Variants in CFI observed in about 807,000 individuals in gnomAD.
CFI encodes the protein complement factor I, also known as C3B/C4B inactivator.
In CFI, 66 loss-of-function variants were observed where a neutral mutation model predicts 78.8. The ratio of observed to expected loss-of-function variants is 0.84; its 90% CI spans 0.69 to 1.03. The LOEUF (loss-of-function observed/expected upper bound fraction) is 1.03. CFI is among the 50% of genes least tolerant of loss of function. The probability of loss-of-function intolerance (pLI) is 0.00; values close to 1 mark genes in which losing one functional copy is unlikely to be tolerated. For missense variants in CFI, 706 were observed against 704.5 expected (o/e 1.00, Z -0.02); for synonymous variants, 250 against 232.6 (o/e 1.07, Z -0.68).
Position 109,766,520 on chromosome 4 carries a change from T to C in CFI, c.328+34A>G, listed in dbSNP as rs757105674. ...TATGGCATACAAATACCCTTTTATATCATAGAATGACTTGAAAACTAGTCT... is the reference window on the plus strand; with the variant it reads ...TATGGCATACAAATACCCTTTTATACCATAGAATGACTTGAAAACTAGTCT... On this transcript the variant is annotated intron_variant, in intron 2 of 12. Transcript: ENST00000394634. 5 of 1,610,396 alleles carry C rather than the reference T, an allele frequency of 3.1e-6. No individual in the cohort carries two copies. The East Asian group carries it at 8.9e-5, about 29-fold the overall frequency.
Position 109,741,037 on chromosome 4 carries a change from A to C in CFI, c.1608T>G (p.Asn536Lys). 1 of 1,614,230 alleles carries C rather than the reference A, an allele frequency of 6.2e-7. No individual in the cohort carries two copies. Among genetic ancestry groups the C allele is most frequent in the Non-Finnish European group, 8.5e-7 (1 of 1,180,006 alleles). ...GGPLVCMDAN[N>K]VTYVWGVVSW... ...TCACAACACCCCAGACATAAGTCAC[A>C]TTGTTGGCATCCATACAGACTAAGG... Residue 536 changes from asparagine to lysine, a missense_variant, in exon 13 of 13, where the codon AAT becomes AAG. By Grantham distance (94) the Asn-to-Lys change is moderately conservative. Transcript: ENST00000394634.
chr4:109,750,641 GA>G (rs1725028300), intron 8 of CFI, among the ~76,000 whole-genome samples: 1 of 152,240 alleles, frequency 6.6e-6, no homozygotes, highest in South Asian at 2.1e-4. Flanking sequence ...GATGACTGAA[GA>G]AAGTAAAATA....
chr4:109,775,935 G>T (rs1404539681), intron 1 of CFI, among the ~76,000 whole-genome samples: 1 of 152,200 alleles, frequency 6.6e-6, no homozygotes, highest in Admixed American at 6.5e-5. Context: ...CTGACTGTTA[G>T]AAGGAAAACT....
At chr4:109,746,127 T>A in intron 11 of CFI, 95 bp downstream of exon 11, 2 of 1,405,898 alleles carry the variant, frequency 1.4e-6, no homozygotes, top group Non-Finnish European at 2.0e-6. Flanking sequence ...GATGTTATGC[T>A]TCTCTCTGAG....
intron 1 of CFI, among the ~76,000 whole-genome samples, chr4:109,770,802 G>A (rs1728490619): frequency 6.6e-6 from 1 of 152,166 alleles, no homozygotes; most frequent in African/African-American, 2.4e-5. Context: ...ATGGGCTAGT[G>A]CTAATGGATT....
chr4:109,732,031 C>CAACTCTTCTTCCAGAGA, the CFI span, among the ~76,000 whole-genome samples: 93,140 of 151,892 alleles, frequency 0.61, 29,609 homozygotes, highest in African/African-American at 0.79. Flanking sequence ...TTGGTTCTTA[C>CAACTCTTCTTCCAGAGA]AACTCCCTAG....
intron 1 of CFI, chr4:109,794,326 C>T (rs557095946): frequency 1.3e-4 from 20 of 152,140 alleles, no homozygotes; most frequent in African/African-American, 4.6e-4. Context: ...CCTTGTCATC[C>T]TTTTTTCTTT....
chr4:109,776,141 G>A (rs1729205635), intron 1 of CFI, among the ~76,000 whole-genome samples: 1 of 152,178 alleles, frequency 6.6e-6, no homozygotes, highest in Non-Finnish European at 1.5e-5. Flanking sequence ...GAGAGAAGAA[G>A]GCTTCAGACA....
At chr4:109,737,051 C>T (rs1723412825), downstream of CFI, among the ~76,000 whole-genome samples, 1 of 152,164 alleles carries the variant, frequency 6.6e-6, no homozygotes, top group Non-Finnish European at 1.5e-5. Context: ...AGAGTCAGTG[C>T]CATCCTTTTT....
At chr4:109,767,270 A>C (rs572785016) in intron 1 of CFI, among the ~76,000 whole-genome samples, 2,229 of 152,276 alleles carry the variant, frequency 0.015, 47 homozygotes, top group African/African-American at 0.049. Flanking sequence ...CAAAAGCCAA[A>C]ATTGACAAAT....
chr4:109,801,078 C>A (rs1379683545), intron 1 of CFI, among the ~76,000 whole-genome samples: 1 of 152,128 alleles, frequency 6.6e-6, no homozygotes, highest in Non-Finnish European at 1.5e-5. Flanking sequence ...GGATTGCCAC[C>A]AAAGTTGGCA....
At chr4:109,766,431 G>C in intron 2 of CFI, 123 bp downstream of exon 2, 2 of 1,100,564 alleles carry the variant, frequency 1.8e-6, no homozygotes, top group South Asian at 1.3e-5. Flanking sequence ...ATTATTGAGA[G>C]TCTAGAAAAA....
chr4:109,766,148 A>T (rs1394048487), intron 2 of CFI, among the ~76,000 whole-genome samples: 1 of 152,056 alleles, frequency 6.6e-6, no homozygotes, highest in African/African-American at 2.4e-5. Flanking sequence ...AACAGAAATT[A>T]CTGGGGCCAC....
At chr4:109,777,270 T>C (rs1048948446) in intron 1 of CFI, among the ~76,000 whole-genome samples, 4 of 151,876 alleles carry the variant, frequency 2.6e-5, no homozygotes, top group African/African-American at 9.7e-5. Context: ...AATAAAGGGA[T>C]GGAGGAAGAT....
chr4:109,776,489 C>A (rs1345331115), intron 1 of CFI, among the ~76,000 whole-genome samples: 4 of 152,184 alleles, frequency 2.6e-5, no homozygotes, highest in Non-Finnish European at 5.9e-5. Flanking sequence ...AACAAATCTA[C>A]ATCTGATTGA....
chr4:109,764,954 C>G (rs142511945), intron 2 of CFI, among the ~76,000 whole-genome samples: 48 of 152,268 alleles, frequency 3.2e-4, no homozygotes, highest in African/African-American at 1.1e-3. Flanking sequence ...ACACAAGGAA[C>G]CTCTAGGGGA....
the CFI span, among the ~76,000 whole-genome samples, chr4:109,733,725 G>A: frequency 6.6e-6 from 1 of 152,234 alleles, no homozygotes; most frequent in Admixed American, 6.5e-5. Flanking sequence ...TGTCAGAAAT[G>A]GGGAGAATTG....
intron 10 of CFI, among the ~76,000 whole-genome samples, chr4:109,747,357 A>AG (rs1370174270): frequency 8.2e-5 from 1 of 12,190 alleles, no homozygotes; most frequent in South Asian, 0.042. Context: ...GCTAATTTAA[A>AG]AAAATTTTTT....
chr4:109,784,567 TACA>T (rs1444067211), intron 1 of CFI, among the ~76,000 whole-genome samples: 1 of 152,004 alleles, frequency 6.6e-6, no homozygotes, highest in Non-Finnish European at 1.5e-5. Flanking sequence ...AATGCCAAAA[TACA>T]ACACCAATGA....
Sources: allele counts gnomAD v4.1 joint callset (sites outside exome capture counted in the v4.1 genomes callset), GRCh38; gene constraint gnomAD v4.1.1; transcripts MANE v1.5; gene names NCBI Gene and HGNC (gene_info 2026-07-23, HGNC 2026-07-21).